The following SPMIP2 variants were observed in gnomAD, a reference collection of about 807,000 sequenced individuals.
SPMIP2 encodes the protein protein SPMIP2.
chr4:159,007,010 T>C, the SPMIP2 span: 1 of 415,960 alleles, frequency 2.4e-6, no homozygotes, highest in East Asian at 6.3e-5. Flanking sequence ...TGTTCTAATA[T>C]TGTCCTGTGA....
chr4:158,970,884 G>A, the SPMIP2 span, among the ~76,000 whole-genome samples: 1 of 152,288 alleles, frequency 6.6e-6, no homozygotes, highest in South Asian at 2.1e-4. Flanking sequence ...AGCAGTTTCT[G>A]AGCGTGCCAC....
chr4:159,053,880 A>G, the SPMIP2 span, among the ~76,000 whole-genome samples: 1 of 151,868 alleles, frequency 6.6e-6, no homozygotes, highest in South Asian at 2.1e-4. Flanking sequence ...CTTGAACCCA[A>G]GAATAAACCA....
At chr4:159,012,248 A>G in the SPMIP2 span, among the ~76,000 whole-genome samples, 1 of 152,148 alleles carries the variant, frequency 6.6e-6, no homozygotes, top group Admixed American at 6.6e-5. Context: ...TATTAAAACA[A>G]AATTTTAAGA....
chr4:158,960,230 T>C, the SPMIP2 span: 1 of 1,040,100 alleles, frequency 9.6e-7, no homozygotes, highest in Non-Finnish European at 1.4e-6. Flanking sequence ...TGAATCCTGT[T>C]ACCAATTTAG....
At chr4:159,041,689 G>C in the SPMIP2 span, among the ~76,000 whole-genome samples, 1 of 152,194 alleles carries the variant, frequency 6.6e-6, no homozygotes, top group African/African-American at 2.4e-5. Context: ...AAAGCCCTTG[G>C]AGATTGCTTT....
chr4:159,004,008 T>A, the SPMIP2 span, among the ~76,000 whole-genome samples: 2 of 151,914 alleles, frequency 1.3e-5, no homozygotes, highest in Non-Finnish European at 2.9e-5. Context: ...ATTTTGGGTT[T>A]TTTTTGTTGT....
chr4:158,915,208 T>G, the SPMIP2 span: 1 of 1,613,724 alleles, frequency 6.2e-7, no homozygotes, highest in Non-Finnish European at 8.5e-7. Context: ...TTAGGTGGTT[T>G]GGAAGCTCTT....
At chr4:159,014,229 C>T in the SPMIP2 span, among the ~76,000 whole-genome samples, 14 of 152,032 alleles carry the variant, frequency 9.2e-5, no homozygotes, top group African/African-American at 2.9e-4. Context: ...CCGAAGTGGG[C>T]GGATCACAAG....
the SPMIP2 span, among the ~76,000 whole-genome samples, chr4:158,992,932 G>T: frequency 2.6e-3 from 395 of 152,296 alleles, 1 homozygote; most frequent in African/African-American, 9.3e-3. Flanking sequence ...TGGGGAGGTG[G>T]GCACACTTAA....
the SPMIP2 span, among the ~76,000 whole-genome samples, chr4:158,929,650 C>T: frequency 6.6e-6 from 1 of 152,052 alleles, no homozygotes; most frequent in South Asian, 2.1e-4. Context: ...ACTTAATTTC[C>T]ATCATATGAA....
the SPMIP2 span, among the ~76,000 whole-genome samples, chr4:158,898,601 T>C: frequency 1.3e-5 from 2 of 152,230 alleles, no homozygotes; most frequent in Non-Finnish European, 2.9e-5. Context: ...TTTGTAGCAA[T>C]TGTGAATAGG....
chr4:159,062,855 A>ATTT, the SPMIP2 span, among the ~76,000 whole-genome samples: 2 of 137,736 alleles, frequency 1.5e-5, no homozygotes, highest in Non-Finnish European at 1.6e-5. Context: ...GGCCTGGCTA[A>ATTT]TTTTTTTTTT....
chr4:159,006,691 A>C, the SPMIP2 span, among the ~76,000 whole-genome samples: 2 of 152,232 alleles, frequency 1.3e-5, no homozygotes, highest in Non-Finnish European at 2.9e-5. Flanking sequence ...TCTTGGTTGT[A>C]TCAAAGAGAT....
the SPMIP2 span, among the ~76,000 whole-genome samples, chr4:158,914,451 T>C: frequency 6.6e-6 from 1 of 152,214 alleles, no homozygotes; most frequent in African/African-American, 2.4e-5. Flanking sequence ...AAGAAGTCTT[T>C]TTATGCGTAG....
chr4:158,995,156 G>T, the SPMIP2 span, among the ~76,000 whole-genome samples: 1 of 152,098 alleles, frequency 6.6e-6, no homozygotes, highest in African/African-American at 2.4e-5. Flanking sequence ...GGCCCCAAGT[G>T]ATCCTCCTAC....
the SPMIP2 span, among the ~76,000 whole-genome samples, chr4:158,957,438 T>C: frequency 1.3e-5 from 2 of 151,962 alleles, no homozygotes; most frequent in Non-Finnish European, 2.9e-5. Flanking sequence ...CTACCTTTTT[T>C]CTTTTTTTGA....
the SPMIP2 span, among the ~76,000 whole-genome samples, chr4:158,987,155 G>A: frequency 3.0e-5 from 4 of 132,684 alleles, no homozygotes; most frequent in African/African-American, 1.1e-4. Context: ...AGGATGTGGA[G>A]AAATAGGAAC....
At chr4:158,931,771 C>T in the SPMIP2 span, among the ~76,000 whole-genome samples, 1 of 152,232 alleles carries the variant, frequency 6.6e-6, no homozygotes, top group East Asian at 1.9e-4. Context: ...CCATGTTGGC[C>T]AGGCTGGTCT....
chr4:158,926,271 T>G, the SPMIP2 span, among the ~76,000 whole-genome samples: 379 of 152,164 alleles, frequency 2.5e-3, 3 homozygotes, highest in African/African-American at 8.6e-3. Flanking sequence ...TTTTTTAAGG[T>G]GTAAGGTTAG....
Sources: allele counts gnomAD v4.1 joint callset (sites outside exome capture counted in the v4.1 genomes callset), GRCh38; gene constraint gnomAD v4.1.1; transcripts MANE v1.5; gene names NCBI Gene and HGNC (gene_info 2026-07-23, HGNC 2026-07-21).